Variants in KMO observed in about 807,000 individuals in gnomAD.
KMO encodes the protein kynurenine 3-hydroxylase.
In KMO, 24 loss-of-function variants were observed where a neutral mutation model predicts 57.8. The observed-to-expected ratio is 0.42, with a 90% CI of 0.30 to 0.58. KMO has a LOEUF of 0.58. Among genes scored for constraint, KMO ranks in the 20% least tolerant of loss-of-function variants. KMO has a pLI of 0.22. For missense variants in KMO, 483 were observed against 588.2 expected (o/e 0.82, Z 1.85); for synonymous variants, 210 against 193.6 (o/e 1.08, Z -0.70).
chr1:241,538,024 T>C (rs541914550), intron 1 of KMO, among the ~76,000 whole-genome samples: 32 of 152,218 alleles, frequency 2.1e-4, no homozygotes, highest in Non-Finnish European at 3.4e-4. Flanking sequence ...TCTCCAAAGA[T>C]AGGGCTTAGA....
intron 10 of KMO, among the ~76,000 whole-genome samples, chr1:241,571,199 A>G (rs201838529): frequency 7.5e-4 from 1 of 1,326 alleles, no homozygotes; most frequent in Admixed American, 1.4e-3. Flanking sequence ...AGGTTTTTGT[A>G]AAACATAAGG....
At chr1:241,559,457 G>GT (rs1661758834) in intron 5 of KMO, among the ~76,000 whole-genome samples, 2 of 140,086 alleles carry the variant, frequency 1.4e-5, no homozygotes, top group Non-Finnish European at 3.2e-5. Context: ...TTTTTTAAAA[G>GT]TTTTTTTCAC....
At chr1:241,551,521 C>T (rs571742695) in intron 4 of KMO, among the ~76,000 whole-genome samples, 1 of 152,242 alleles carries the variant, frequency 6.6e-6, no homozygotes, top group Admixed American at 6.5e-5. Context: ...TCTAAAAGAA[C>T]AGAGGCCAGA....
At chr1:241,562,369 C>G (rs760552811) in intron 7 of KMO, 37 bp downstream of exon 7, 8 of 1,606,032 alleles carry the variant, frequency 5.0e-6, no homozygotes, top group Non-Finnish European at 6.8e-6. Context: ...TTCCCACAAC[C>G]CTTGCTCCAT....
At position 241,594,730 on chromosome 1, in the gene KMO, G is replaced by T; in HGVS notation, c.*2577G>T. ...AAATAAAGTGGAATATTAAGTAAAA[G>T]TTGGGCACTAATCTGGATTAACATT... On this transcript the variant is annotated 3_prime_UTR_variant, in exon 15 of 15. Transcript: ENST00000366559. 1 of 1,594,900 alleles carries T rather than the reference G, an allele frequency of 6.3e-7. No individual in the cohort carries two copies. Among genetic ancestry groups the T allele is most frequent in the Non-Finnish European group, 8.5e-7 (1 of 1,171,078 alleles).
At chr1:241,591,824 C>A in intron 14 of KMO, 129 bp from the exon 15 acceptor site, 1 of 713,286 alleles carries the variant, frequency 1.4e-6, no homozygotes, top group Non-Finnish European at 2.4e-6. Context: ...GGTGGTCATG[C>A]AAGTAAATTG....
chr1:241,560,847 A>G, intron 6 of KMO, 95 bp downstream of exon 6: 1 of 836,058 alleles, frequency 1.2e-6, no homozygotes, highest in Non-Finnish European at 2.0e-6. Context: ...TGAAAGAGTT[A>G]AAAGATTATT....
intron 11 of KMO, among the ~76,000 whole-genome samples, chr1:241,587,591 ACAC>A (rs1663053232): frequency 6.6e-6 from 1 of 151,830 alleles, no homozygotes; most frequent in Non-Finnish European, 1.5e-5. Flanking sequence ...TTACAGGCAT[ACAC>A]CACCACACCC....
rs776374221 is a variant in KMO, at chr1:241,594,627, T to A, written c.*2474T>A. The A allele has an allele frequency of 1.9e-6, 3 of 1,614,116 alleles. No individual in the cohort carries two copies. Among genetic ancestry groups the A allele is most frequent in the Non-Finnish European group, 8.5e-7 (1 of 1,179,978 alleles). On this transcript the variant is annotated 3_prime_UTR_variant, in exon 15 of 15. Coordinates refer to ENST00000366559, the MANE Select transcript of KMO (RefSeq NM_003679.5). The stretch of plus-strand genomic sequence containing the variant: ...CATTTCACTTCCAGCTGCTGGTAGG[T>A]CTTTAGCAGGCCTCTGGCACCTCAG...
At chr1:241,582,803 T>G (rs1442005333) in intron 10 of KMO, among the ~76,000 whole-genome samples, 1 of 152,204 alleles carries the variant, frequency 6.6e-6, no homozygotes, top group East Asian at 1.9e-4. Flanking sequence ...GTCATGTTCC[T>G]TGGGTGTTCT....
intron 5 of KMO, among the ~76,000 whole-genome samples, chr1:241,556,328 GTCTT>G (rs1487245618): frequency 1.3e-5 from 2 of 152,024 alleles, no homozygotes; most frequent in Non-Finnish European, 2.9e-5. Flanking sequence ...TAAAGGCAGA[GTCTT>G]TCTATGTTGT....
intron 4 of KMO, among the ~76,000 whole-genome samples, chr1:241,552,774 C>T (rs1470937640): frequency 6.6e-6 from 1 of 152,168 alleles, no homozygotes; most frequent in African/African-American, 2.4e-5. Flanking sequence ...TTTCTGACTC[C>T]CTTCCCTGGC....
chr1:241,568,456 T>C (rs1046088568), intron 9 of KMO, 44 bp from the exon 10 acceptor site: 3 of 1,578,798 alleles, frequency 1.9e-6, no homozygotes, highest in Admixed American at 3.4e-5. Context: ...CAGGATTTAA[T>C]ACCTAATTTG....
intron 1 of KMO, among the ~76,000 whole-genome samples, chr1:241,539,336 A>T (rs1660867395): frequency 1.3e-5 from 2 of 148,674 alleles, no homozygotes; most frequent in Non-Finnish European, 2.9e-5. Flanking sequence ...GTGAGCTGAG[A>T]TCGTGCCACT....
chr1:241,547,616 G>A (rs1407079979), intron 1 of KMO, among the ~76,000 whole-genome samples: 3 of 149,670 alleles, frequency 2.0e-5, no homozygotes, highest in Admixed American at 6.7e-5. Context: ...AACTTCTTTA[G>A]TAATTAAGCA....
In KMO at chr1:241,555,646, A is replaced by T; in HGVS notation, c.347A>T (p.Lys116Met). Residue 116 changes from lysine (K) to methionine (M), a missense_variant, in exon 5 of 15, where the codon AAG (lysine) becomes ATG (methionine). Physicochemically the swap from Lys to Met is moderately conservative, Grantham distance 95. This residue lies in a region of KMO where 410 missense variants were observed against 492.3 expected (regional missense o/e 0.83). Coordinates refer to ENST00000366559, the MANE Select transcript of KMO (RefSeq NM_003679.5). ...TCTGTAAGCAGAGAAAATCTAAACAAGGATCTATTGACTGGTAAGTCTAAT... is the reference window on the plus strand; with the variant it reads ...TCTGTAAGCAGAGAAAATCTAAACATGGATCTATTGACTGGTAAGTCTAAT... Reference protein sequence around the residue: ...ILSVSRENLNKDLLTAAEKYP... With the variant: ...ILSVSRENLNMDLLTAAEKYP... 2.5e-6 allele frequency: 4 copies of T among 1,571,286 alleles called. No individual in the cohort carries two copies. Among genetic ancestry groups the T allele is most frequent in the Non-Finnish European group, 2.6e-6 (3 of 1,142,206 alleles).
At chr1:241,532,534 T>C in intron 1 of KMO, 36 bp downstream of exon 1, 3 of 1,475,824 alleles carry the variant, frequency 2.0e-6, no homozygotes, top group Non-Finnish European at 2.8e-6. Flanking sequence ...TTGTTGGTGG[T>C]ATTATATTAA....
chr1:241,590,038 G>T lies in KMO; in HGVS notation c.1125G>T (p.Trp375Cys), dbSNP rs1268813599. Residue 375 changes from tryptophan (W) to cysteine (C), a missense_variant, in exon 13 of 15, where the codon TGG (tryptophan) becomes TGT (cysteine). Trp to Cys is a radical substitution (Grantham distance 215). This residue lies in a region of KMO where 410 missense variants were observed against 492.3 expected (regional missense o/e 0.83). Transcript: ENST00000366559. ...TGCGAGCACATGTCAACTCAAGCTG[G>T]TTCATTTTTCAGAAGAACATGGAGA... ...IEMRAHVNSS[W>C]FIFQKNMERF... The T allele has an allele frequency of 1.2e-6, 2 of 1,613,832 alleles. No homozygotes were observed. The highest frequency in any genetic ancestry group is 1.7e-6 in the Non-Finnish European group (2 of 1,179,906).
intron 1 of KMO, among the ~76,000 whole-genome samples, chr1:241,539,429 G>A (rs1660874481): frequency 6.6e-6 from 1 of 150,850 alleles, no homozygotes; most frequent in South Asian, 2.1e-4. Flanking sequence ...CCTTGAAGTT[G>A]GCCTAAGCAT....
Sources: allele counts gnomAD v4.1 joint callset (sites outside exome capture counted in the v4.1 genomes callset), GRCh38; gene constraint gnomAD v4.1.1; regional missense constraint gnomAD v4.1.1; transcripts MANE v1.5; gene names NCBI Gene and HGNC (gene_info 2026-07-23, HGNC 2026-07-21).